The following KCNQ5 variants were observed in gnomAD, a reference collection of about 807,000 sequenced individuals.
The protein encoded by KCNQ5 is potassium voltage-gated channel subfamily KQT member 5.
Under a neutral mutation model 98.2 loss-of-function variants are expected in KCNQ5, and 30 were observed. The ratio of observed to expected loss-of-function variants is 0.31; its 90% CI spans 0.23 to 0.41. The LOEUF is 0.41. Among genes scored for constraint, KCNQ5 ranks in the 10% least tolerant of loss-of-function variants. The pLI is 1.00. For missense variants in KCNQ5, 835 were observed against 1,182.5 expected (o/e 0.71, Z 4.31); for synonymous variants, 458 against 449.4 (o/e 1.02, Z -0.24).
At chr6:73,172,671 A>C (rs1273191426) in intron 11 of KCNQ5, among the ~76,000 whole-genome samples, 2 of 152,196 alleles carry the variant, frequency 1.3e-5, no homozygotes, top group Admixed American at 6.5e-5. Flanking sequence ...GCTCCCCTGA[A>C]GCAGTATGTA....
At chr6:72,870,987 G>A (rs1220710805) in intron 1 of KCNQ5, among the ~76,000 whole-genome samples, 1 of 152,108 alleles carries the variant, frequency 6.6e-6, no homozygotes, top group African/African-American at 2.4e-5. Context: ...ATCTTGAAAA[G>A]AATAGGTTTT....
chr6:72,978,628 A>T (rs191639770), intron 1 of KCNQ5, among the ~76,000 whole-genome samples: 5 of 152,302 alleles, frequency 3.3e-5, no homozygotes, highest in African/African-American at 4.8e-5. Flanking sequence ...ACACAGACTA[A>T]AGTAAGTGGA....
At chr6:72,727,646 G>A (rs916937716) in intron 1 of KCNQ5, among the ~76,000 whole-genome samples, 2 of 152,110 alleles carry the variant, frequency 1.3e-5, no homozygotes, top group Non-Finnish European at 2.9e-5. Context: ...CTGGATTGGT[G>A]TGTTAGTTAG....
In KCNQ5 at chr6:72,887,368, C is replaced by T. The variant is rs139795295; in HGVS notation, c.399-116540C>T. Among the ~76,000 whole-genome samples the T allele has an allele frequency of 1.1e-4, 17 of 152,132 alleles. No homozygotes were observed. The East Asian group carries it at 3.3e-3, about 29-fold the overall frequency. On this transcript the variant is annotated intron_variant, in intron 1 of 13. Coordinates refer to ENST00000370398, the MANE Select transcript of KCNQ5 (RefSeq NM_019842.4). ...AGGTCTCATGAGACTTATTCACCAT[C>T]ACAAGAACAGCACAGGAAAGACCCA...
chr6:72,684,531 TATTG>T (rs1333355520), intron 1 of KCNQ5, among the ~76,000 whole-genome samples: 2 of 152,216 alleles, frequency 1.3e-5, no homozygotes, highest in East Asian at 1.9e-4. Context: ...CAGGCCTTGA[TATTG>T]ATTATTACAC....
chr6:72,905,107 A>AC (rs1779650626), intron 1 of KCNQ5, among the ~76,000 whole-genome samples: 2 of 152,134 alleles, frequency 1.3e-5, no homozygotes, highest in Admixed American at 6.6e-5. Context: ...GGATTGGGTT[A>AC]ATTCAAACGC....
chr6:72,853,078 T>C (rs553572131), intron 1 of KCNQ5, among the ~76,000 whole-genome samples: 13 of 152,254 alleles, frequency 8.5e-5, no homozygotes, highest in African/African-American at 3.1e-4. Context: ...CACCACCAAT[T>C]TATCCTAGCA....
intron 1 of KCNQ5, among the ~76,000 whole-genome samples, chr6:72,718,580 AGCTGGGACTACAGGTACGT>A (rs1324396900): frequency 1.3e-5 from 2 of 150,296 alleles, no homozygotes; most frequent in Non-Finnish European, 2.9e-5. Flanking sequence ...CCTCCCGAGT[AGCTGGGACTACAGGTACGT>A]GCCACCATGC....
intron 1 of KCNQ5, among the ~76,000 whole-genome samples, chr6:72,924,871 CT>C (rs1162684405): frequency 2.0e-5 from 3 of 151,842 alleles, no homozygotes; most frequent in Non-Finnish European, 2.9e-5. Flanking sequence ...CATCTTATTC[CT>C]TTTTTTTCCT....
In KCNQ5 at chr6:72,897,711, G is replaced by A. The variant is rs77809924; in HGVS notation, c.399-106197G>A. 5.7e-3 allele frequency among the ~76,000 whole-genome samples: 862 copies of A among 152,288 alleles called. 12 individuals are homozygous for A. Among genetic ancestry groups the A allele is most frequent in the East Asian group, 0.021 (107 of 5,182 alleles). ...AAGAAAAGGCAAAAAGGAGGAGAGG[G>A]AGTACGCAAGCTGTGGCTCCATTAG... On this transcript the variant is annotated intron_variant, in intron 1 of 13. Coordinates refer to ENST00000370398, the MANE Select transcript of KCNQ5 (RefSeq NM_019842.4).
At chr6:72,749,085 A>ATATT (rs535325721) in intron 1 of KCNQ5, among the ~76,000 whole-genome samples, 184 of 152,206 alleles carry the variant, frequency 1.2e-3, no homozygotes, top group Non-Finnish European at 2.0e-3. Flanking sequence ...TCTAAATTAC[A>ATATT]TATTTATTTT....
At chr6:72,817,764 C>T (rs138055599) in intron 1 of KCNQ5, among the ~76,000 whole-genome samples, 38 of 151,998 alleles carry the variant, frequency 2.5e-4, no homozygotes, top group African/African-American at 8.7e-4. Context: ...CGTGGTGGCG[C>T]GTGCCTGTAA....
At chr6:73,099,992 T>A (rs1372007045) in intron 5 of KCNQ5, among the ~76,000 whole-genome samples, 1 of 152,222 alleles carries the variant, frequency 6.6e-6, no homozygotes, top group Non-Finnish European at 1.5e-5. Context: ...ATATCAAGTA[T>A]CTTCTCTGAC....
At chr6:73,092,214 G>A (rs1191691522) in intron 5 of KCNQ5, among the ~76,000 whole-genome samples, 3 of 151,958 alleles carry the variant, frequency 2.0e-5, no homozygotes, top group African/African-American at 7.3e-5. Flanking sequence ...ATACTGATTT[G>A]TGTATGTGAA....
chr6:72,988,396 G>C (rs1358749704), intron 1 of KCNQ5, among the ~76,000 whole-genome samples: 2 of 152,022 alleles, frequency 1.3e-5, no homozygotes, highest in African/African-American at 4.8e-5. Context: ...AAGCAAATTA[G>C]TACAGGAACA....
At chr6:72,672,118 ATT>A (rs1186332695) in intron 1 of KCNQ5, among the ~76,000 whole-genome samples, 7 of 121,450 alleles carry the variant, frequency 5.8e-5, no homozygotes, top group Admixed American at 8.3e-5. Context: ...GCCTGGCCTA[ATT>A]TTTTTTTTTT....
rs183456457 is a variant in KCNQ5, at chr6:73,160,387, G to C, written c.1469-9359G>C. On this transcript the variant is annotated intron_variant, in intron 10 of 13. Transcript: ENST00000370398. Reference sequence around the variant, plus strand: ...TGTAAGCTGCTTGTGTTTAAAAGCAGTAGTGATTTCTTTAAAAGAGAAAGA... The same window carrying C: ...TGTAAGCTGCTTGTGTTTAAAAGCACTAGTGATTTCTTTAAAAGAGAAAGA... Among the ~76,000 whole-genome samples the C allele has an allele frequency of 1.6e-4, 24 of 152,290 alleles. No homozygotes were observed. In the East Asian group the frequency reaches 2.3e-3, roughly 15 times the overall value.
At chr6:73,054,506 G>A (rs1772378287) in intron 3 of KCNQ5, among the ~76,000 whole-genome samples, 1 of 152,194 alleles carries the variant, frequency 6.6e-6, no homozygotes, top group Admixed American at 6.5e-5. Context: ...CTATCAAGGA[G>A]GCTTCGTCCC....
At chr6:73,138,134 G>A (rs77727607) in intron 10 of KCNQ5, among the ~76,000 whole-genome samples, 4,791 of 152,278 alleles carry the variant, frequency 0.031, 97 homozygotes, top group Middle Eastern at 0.078. Flanking sequence ...CAGGATAACA[G>A]CCATACTGGT....
Sources: allele counts gnomAD v4.1 joint callset (sites outside exome capture counted in the v4.1 genomes callset), GRCh38; gene constraint gnomAD v4.1.1; transcripts MANE v1.5; gene names NCBI Gene and HGNC (gene_info 2026-07-23, HGNC 2026-07-21).